The following LRRFIP1 variants were observed in gnomAD, a reference collection of about 807,000 sequenced individuals.
LRRFIP1 encodes the protein LRR binding FLII interacting protein 1.
Under a neutral mutation model 104.4 loss-of-function variants are expected in LRRFIP1, and 62 were observed. The observed-to-expected ratio is 0.59, with a 90% CI of 0.48 to 0.73. The LOEUF (loss-of-function observed/expected upper bound fraction) is 0.73, where lower values mean the gene tolerates loss of function less well. Among genes scored for constraint, LRRFIP1 ranks in the 30% least tolerant of loss-of-function variants. LRRFIP1 has a pLI of 0.00. For missense variants in LRRFIP1, 796 were observed against 824.5 expected (o/e 0.97, Z 0.42); for synonymous variants, 300 against 299.0 (o/e 1.00, Z -0.03).
chr2:237,641,306 G>A (rs1374971327), intron 1 of LRRFIP1, among the ~76,000 whole-genome samples: 1 of 151,612 alleles, frequency 6.6e-6, no homozygotes, highest in Admixed American at 6.6e-5. Context: ...GAGGTTAGGA[G>A]TTCAAGACTA....
intron 1 of LRRFIP1, among the ~76,000 whole-genome samples, chr2:237,674,484 CTT>C (rs2090841875): frequency 6.6e-6 from 1 of 152,216 alleles, no homozygotes; most frequent in East Asian, 1.9e-4. Flanking sequence ...TGTTTGTCCT[CTT>C]ATTATTTTTG....
chr2:237,692,478 A>G, intron 1 of LRRFIP1: 1 of 1,532,454 alleles, frequency 6.5e-7, no homozygotes. Flanking sequence ...GCGGCCGCTC[A>G]AAGCCGGGAG....
At position 237,679,841 on chromosome 2, in the gene LRRFIP1, CGG is replaced by C. The variant is rs377062397; in HGVS notation, c.97-28701_97-28700del. ...CAGGCTGGTCTCAAACTCCTGACCT[CGG>C]GTGATCCACCCGCCTCGGCCTCCCA... On this transcript the variant is annotated intron_variant, in intron 1 of 23. Coordinates refer to ENST00000308482, the MANE Select transcript of LRRFIP1 (RefSeq NM_001137550.2). 3.1e-3 allele frequency among the ~76,000 whole-genome samples: 476 copies of C among 152,234 alleles called. 9 individuals are homozygous for C. The East Asian group carries it at 0.047, about 15-fold the overall frequency.
At chr2:237,744,859 G>A (rs78166367) in intron 11 of LRRFIP1, among the ~76,000 whole-genome samples, 17 of 152,346 alleles carry the variant, frequency 1.1e-4, no homozygotes, top group Non-Finnish European at 1.8e-4. Context: ...TGCGGGGTCC[G>A]GTGCTTTCCC....
intron 11 of LRRFIP1, 90 bp downstream of exon 11, chr2:237,739,399 A>G: frequency 8.9e-7 from 1 of 1,122,280 alleles, no homozygotes; most frequent in African/African-American, 1.5e-5. Flanking sequence ...CAAATTTAGA[A>G]TATTACTCTG....
chr2:237,632,630 C>G (rs2082544678), intron 1 of LRRFIP1, among the ~76,000 whole-genome samples: 1 of 152,200 alleles, frequency 6.6e-6, no homozygotes, highest in African/African-American at 2.4e-5. Context: ...GCGGAGGGAG[C>G]CTGTCTCTCT....
At chr2:237,775,928 C>T (rs2061051420) in intron 23 of LRRFIP1, among the ~76,000 whole-genome samples, 2 of 151,920 alleles carry the variant, frequency 1.3e-5, no homozygotes, top group Non-Finnish European at 2.9e-5. Context: ...TTTCTCTCCT[C>T]TTTATTTTAT....
intron 2 of LRRFIP1, among the ~76,000 whole-genome samples, chr2:237,713,579 G>T (rs2094201436): frequency 6.6e-6 from 1 of 152,146 alleles, no homozygotes; most frequent in South Asian, 2.1e-4. Context: ...TCTTGGTCTC[G>T]CAGTTTTGGC....
chr2:237,658,834 G>A (rs2087313456), intron 1 of LRRFIP1, among the ~76,000 whole-genome samples: 1 of 152,186 alleles, frequency 6.6e-6, no homozygotes, highest in South Asian at 2.1e-4. Context: ...AGATTATGGG[G>A]ATTATGGAGA....
chr2:237,692,059 C>T (rs1575520813), intron 1 of LRRFIP1: 2 of 374,862 alleles, frequency 5.3e-6, no homozygotes, highest in South Asian at 1.2e-4. Flanking sequence ...GCGGGGAAGG[C>T]GGGTCATGGG....
Position 237,753,455 on chromosome 2 carries a change from G to T in LRRFIP1, c.1014G>T (p.Arg338Ser), listed in dbSNP as rs1315252726. The change falls in exon 15 of 24, where the codon AGG becomes AGT. Residue 338 changes from arginine to serine, a missense_variant. By Grantham distance (110) the Arg-to-Ser change is moderately radical. Transcript: ENST00000308482. ...TTGAAGAACAGCTGGCTGAATCTAGGCGGCAGTACGAAGAGAAAAACAAAG... is the reference window on the plus strand; with the variant it reads ...TTGAAGAACAGCTGGCTGAATCTAGTCGGCAGTACGAAGAGAAAAACAAAG... ...LELEEQLAES[R>S]RQYEEKNKEF... 1 of 1,591,726 alleles carries T rather than the reference G, an allele frequency of 6.3e-7. No homozygotes were observed. The highest frequency in any genetic ancestry group is 1.2e-5 in the South Asian group (1 of 86,586).
chr2:237,652,113 C>T (rs2086039322), intron 1 of LRRFIP1, among the ~76,000 whole-genome samples: 1 of 152,232 alleles, frequency 6.6e-6, no homozygotes, highest in South Asian at 2.1e-4. Context: ...ATAAACTTGT[C>T]CATCATGAAA....
chr2:237,647,259 G>A (rs1365657535), intron 1 of LRRFIP1, among the ~76,000 whole-genome samples: 6 of 151,906 alleles, frequency 3.9e-5, no homozygotes, highest in East Asian at 1.9e-4. Context: ...GGCCATTGGC[G>A]GTGTGCAGGG....
intron 2 of LRRFIP1, 146 bp downstream of exon 2, chr2:237,708,776 C>A: frequency 1.1e-6 from 1 of 921,520 alleles, no homozygotes; most frequent in Non-Finnish European, 1.7e-6. Flanking sequence ...GTGACTTCTG[C>A]CCAAGGTCAG....
intron 15 of LRRFIP1, 70 bp from the exon 16 acceptor site, chr2:237,756,025 G>C: frequency 1.1e-6 from 1 of 947,218 alleles, no homozygotes; most frequent in Non-Finnish European, 1.7e-6. Flanking sequence ...ACTATAAATC[G>C]TGAGAGCCTG....
At chr2:237,685,119 C>CA (rs1346995192) in intron 1 of LRRFIP1, among the ~76,000 whole-genome samples, 7 of 79,888 alleles carry the variant, frequency 8.8e-5, no homozygotes, top group African/African-American at 3.7e-4. Flanking sequence ...CCCCCCCCCA[C>CA]ACAAAAAAAC....
At position 237,754,435 on chromosome 2, in the gene LRRFIP1, C is replaced by T. The variant is rs2059027889; in HGVS notation, c.1038+956C>T. Among the ~76,000 whole-genome samples, 5 of 152,280 alleles carry T rather than the reference C, an allele frequency of 3.3e-5. No homozygotes were observed. The South Asian group carries it at 1.0e-3, about 32-fold the overall frequency. On this transcript the variant is annotated intron_variant, in intron 15 of 23. Coordinates refer to ENST00000308482, the MANE Select transcript of LRRFIP1 (RefSeq NM_001137550.2). ...CATGTGTTAAGATAAGTAATGACAG[C>T]GGACTGATTCCACGAAGGCTGGGCT...
chr2:237,724,456 T>C (rs1301178269), intron 7 of LRRFIP1, among the ~76,000 whole-genome samples: 2 of 152,246 alleles, frequency 1.3e-5, no homozygotes, highest in Non-Finnish European at 2.9e-5. Context: ...CTGAGCCTCC[T>C]GTGGGACGGC....
chr2:237,719,630 G>A, intron 5 of LRRFIP1, 63 bp downstream of exon 5: 3 of 1,176,094 alleles, frequency 2.6e-6, no homozygotes, highest in South Asian at 2.5e-5. Flanking sequence ...TGCTTGCAGT[G>A]GCTGAAGTAT....
Sources: gnomAD v4.1 joint callset for allele counts (sites outside exome capture counted in the v4.1 genomes callset) on GRCh38, gnomAD v4.1.1 for gene constraint, MANE v1.5 for transcripts, NCBI Gene and HGNC (gene_info 2026-07-23, HGNC 2026-07-21) for gene names.